Variants in MTR observed in about 807,000 individuals in gnomAD.
MTR encodes methionine synthase.
Under a neutral mutation model 154.8 loss-of-function variants are expected in MTR, and 84 were observed. That is an observed-to-expected ratio of 0.54 (90% CI 0.45 to 0.65). The LOEUF (loss-of-function observed/expected upper bound fraction) is 0.65, where lower values mean the gene tolerates loss of function less well. Ranked by LOEUF, MTR falls within the 30% of genes least tolerant of loss-of-function variation. The pLI is 0.00. For missense variants in MTR, 1,275 were observed against 1,570.2 expected (o/e 0.81, Z 3.18); for synonymous variants, 554 against 553.9 (o/e 1.00, Z 0.00).
chr1:236,861,008 C>T, intron 19 of MTR, 117 bp from the exon 20 acceptor site: 1 of 874,724 alleles, frequency 1.1e-6, no homozygotes. Context: ...CACTCTGCTT[C>T]TGGAACCTGT....
chr1:236,815,543 G>T (rs894614445), intron 6 of MTR, 61 bp from the exon 7 acceptor site: 24 of 1,542,254 alleles, frequency 1.6e-5, no homozygotes, highest in Non-Finnish European at 2.7e-6. Context: ...TAATCAGGAA[G>T]TTAGACTAAT....
chr1:236,856,617 G>A (rs1448837277), intron 18 of MTR, among the ~76,000 whole-genome samples: 1 of 151,510 alleles, frequency 6.6e-6, no homozygotes, highest in African/African-American at 2.4e-5. Context: ...ATGCTATGGT[G>A]GTTTGCTGCA....
chr1:236,879,455 A>G (rs936721393), intron 24 of MTR, among the ~76,000 whole-genome samples: 1 of 152,224 alleles, frequency 6.6e-6, no homozygotes, highest in South Asian at 2.1e-4. Context: ...TCGAGGGGGA[A>G]GAATATGAAA....
chr1:236,860,134 G>GT (rs1393150432), intron 19 of MTR, among the ~76,000 whole-genome samples: 11 of 128,102 alleles, frequency 8.6e-5, no homozygotes, highest in Non-Finnish European at 6.1e-5. Context: ...TTTGATTGTC[G>GT]TAACTGTGCC....
intron 18 of MTR, among the ~76,000 whole-genome samples, chr1:236,857,107 C>G (rs1664254670): frequency 6.6e-6 from 1 of 152,232 alleles, no homozygotes. Flanking sequence ...AATCGCTGCA[C>G]TGCCTTCCAC....
At chr1:236,849,994 G>A (rs1254050901) in intron 15 of MTR, among the ~76,000 whole-genome samples, 1 of 152,106 alleles carries the variant, frequency 6.6e-6, no homozygotes, top group Non-Finnish European at 1.5e-5. Context: ...TCATATGCAT[G>A]TATTTTTAGA....
chr1:236,855,236 C>T (rs781489657), intron 18 of MTR, among the ~76,000 whole-genome samples: 2 of 152,180 alleles, frequency 1.3e-5, no homozygotes, highest in Non-Finnish European at 2.9e-5. Context: ...ACCCAGATTC[C>T]TGTCTGATAT....
rs1156269393 is a variant in MTR, at chr1:236,898,577, T to G, written c.*933T>G. The G allele has an allele frequency of 6.6e-6, 1 of 151,998 alleles. No homozygotes were observed. Among genetic ancestry groups the G allele is most frequent in the African/African-American group, 2.4e-5 (1 of 41,388 alleles). The allele number at this position is 151,998 out of a possible 1,614,324, so 9.4% of individuals were successfully genotyped here. A position where few individuals can be genotyped will look rare whatever the true frequency, so the allele number is the denominator to read the frequency against. On this transcript the variant is annotated 3_prime_UTR_variant, in exon 33 of 33. Coordinates refer to ENST00000366577, the MANE Select transcript of MTR (RefSeq NM_000254.3). ...ACCACACCCGGCTAATTTTTTGTGT[T>G]TTTACAAAATACAAAAAAGTAGAGA...
chr1:236,827,243 C>T (rs144727727), intron 11 of MTR, among the ~76,000 whole-genome samples: 184 of 151,826 alleles, frequency 1.2e-3, no homozygotes, highest in African/African-American at 4.2e-3. Context: ...CCCTGCCTGA[C>T]GCCTTCAACT....
At chr1:236,846,366 A>G (rs1183888629) in intron 15 of MTR, among the ~76,000 whole-genome samples, 1 of 150,296 alleles carries the variant, frequency 6.7e-6, no homozygotes, top group East Asian at 1.9e-4. Flanking sequence ...AGTGTCTTAG[A>G]AATATAATTA....
At chr1:236,800,348 C>G (rs1436372279) in intron 1 of MTR, 1 of 985,372 alleles carries the variant, frequency 1.0e-6, no homozygotes, top group African/African-American at 1.7e-5. Context: ...TGACCTATTT[C>G]CCCACTGCCA....
intron 22 of MTR, among the ~76,000 whole-genome samples, chr1:236,871,316 A>G (rs921099471): frequency 2.5e-5 from 3 of 120,618 alleles, no homozygotes; most frequent in Non-Finnish European, 5.3e-5. Context: ...TCCTCCTCTG[A>G]ACTTATCACC....
intron 18 of MTR, among the ~76,000 whole-genome samples, 174 bp downstream of exon 18, chr1:236,853,262 G>C (rs1664023707): frequency 6.6e-6 from 1 of 152,094 alleles, no homozygotes; most frequent in Admixed American, 6.5e-5. Context: ...GGCAAGGAAG[G>C]GTAAACAGAC....
At chr1:236,895,055 T>C (rs971957550) in intron 30 of MTR, 7 of 430,164 alleles carry the variant, frequency 1.6e-5, no homozygotes, top group Non-Finnish European at 3.0e-5. Flanking sequence ...AGCTGCTCTT[T>C]CTGGCCCGTG....
chr1:236,795,417 CGCGCGTGTCTGGCT>C lies in MTR; in HGVS notation c.-284_-271del. ...GCCGTCCCGCGACTCCGCCTCTGGC[CGCGCGTGTCTGGCT>C]GCTAGGCCGACACCAAGGACTGGCC... On this transcript the variant is annotated 5_prime_UTR_variant, in exon 1 of 33. An upstream open reading frame in the 5' UTR gains an earlier in-frame stop. Transcript: ENST00000366577. 1 of 1,464,108 alleles carries C rather than the reference CGCGCGTGTCTGGCT, an allele frequency of 6.8e-7. No homozygotes were observed. The highest frequency in any genetic ancestry group is 9.1e-7 in the Non-Finnish European group (1 of 1,100,518). 90.7% of individuals were successfully genotyped at this position (1,464,108 alleles called of 1,614,324 possible).
In MTR at chr1:236,901,830, T is replaced by C. The variant is rs570539053; in HGVS notation, c.*4186T>C. 1 of 152,346 alleles carries C rather than the reference T, an allele frequency of 6.6e-6. No homozygotes were observed. Among genetic ancestry groups the C allele is most frequent in the African/African-American group, 2.4e-5 (1 of 41,550 alleles). 9.4% of individuals were successfully genotyped at this position (152,346 alleles called of 1,614,324 possible). A position where few individuals can be genotyped will look rare whatever the true frequency, so the allele number is the denominator to read the frequency against. ...AGATGCCATCTCCAAACACCATCAT[T>C]CTGGGGATTCCATTTCAACATGATT... is the stretch of plus-strand genomic sequence containing the variant. On this transcript the variant is annotated 3_prime_UTR_variant, in exon 33 of 33. Coordinates refer to ENST00000366577, the MANE Select transcript of MTR (RefSeq NM_000254.3).
At chr1:236,897,310 G>GCGCGCGCGCGCGCGCACACACACACA in intron 32 of MTR, among the ~76,000 whole-genome samples, 192 bp downstream of exon 32, 50 of 128,674 alleles carry the variant, frequency 3.9e-4, no homozygotes, top group South Asian at 1.4e-3. Context: ...CCACACACAC[G>GCGCGCGCGCGCGCGCACACACACACA]CACACACACA....
chr1:236,894,700 C>T lies in MTR; in HGVS notation c.3405+143C>T. On this transcript the variant is annotated intron_variant, in intron 30 of 32. Transcript: ENST00000366577. Reference sequence around the variant, plus strand: ...TTGAGATGGATGCTGCTGGCTTTAACATTATACGTATTTTAATATTATGTA... The same window carrying T: ...TTGAGATGGATGCTGCTGGCTTTAATATTATACGTATTTTAATATTATGTA... 6.8e-6 allele frequency: 5 copies of T among 740,716 alleles called. No homozygotes were observed. In the South Asian group the frequency reaches 7.2e-5, roughly 11 times the overall value. 45.9% of individuals were successfully genotyped at this position (740,716 alleles called of 1,614,324 possible). A position where few individuals can be genotyped will look rare whatever the true frequency, so the allele number is the denominator to read the frequency against.
chr1:236,808,592 T>C, intron 3 of MTR, 112 bp from the exon 4 acceptor site: 1 of 1,047,224 alleles, frequency 9.5e-7, no homozygotes, highest in South Asian at 1.3e-5. Flanking sequence ...CTCAGATTAA[T>C]TCACTCTACA....
Sources: gnomAD v4.1 joint callset for allele counts (sites outside exome capture counted in the v4.1 genomes callset) on GRCh38, gnomAD v4.1.1 for gene constraint, MANE v1.5 for transcripts, NCBI Gene and HGNC (gene_info 2026-07-23, HGNC 2026-07-21) for gene names.